The following ZC4H2 variants were observed in gnomAD, a reference collection of about 807,000 sequenced individuals.
ZC4H2 encodes the protein zinc finger C4H2-type containing.
For missense variants in ZC4H2, 137 were observed against 173.9 expected, an observed-to-expected ratio of 0.79 and a Z score of 1.19; for synonymous variants, 84 against 66.3, an observed-to-expected ratio of 1.27 and a Z score of -1.30.
At chrX:65,005,133 TATC>T (rs778392820) in intron 1 of ZC4H2, among the ~76,000 whole-genome samples, 1 of 111,969 alleles carries the variant, frequency 8.9e-6, no homozygotes, top group South Asian at 3.7e-4. Context: ...GAAGAATAAA[TATC>T]ATGAAAATGG....
chrX:64,923,454 C>T (rs148448454), intron 1 of ZC4H2, among the ~76,000 whole-genome samples: 209 of 109,819 alleles, frequency 1.9e-3, no homozygotes, highest in Non-Finnish European at 3.2e-3. Flanking sequence ...AGCTGATCTT[C>T]CCCTCTGCCC....
At chrX:65,010,295 C>G (rs1932737036) in intron 1 of ZC4H2, among the ~76,000 whole-genome samples, 1 of 112,294 alleles carries the variant, frequency 8.9e-6, no homozygotes, top group African/African-American at 3.2e-5. Flanking sequence ...TATTTTCAAT[C>G]TGCACACTCA....
At chrX:64,926,134 C>T (rs12387643) in intron 1 of ZC4H2, among the ~76,000 whole-genome samples, 15,653 of 111,163 alleles carry the variant, frequency 0.14, 2,643 homozygotes, top group African/African-American at 0.48. Context: ...TTTGATGGTG[C>T]CATTAATATC....
intron 1 of ZC4H2, among the ~76,000 whole-genome samples, chrX:64,999,574 G>A (rs1932493742): frequency 8.9e-6 from 1 of 111,960 alleles, no homozygotes; most frequent in Non-Finnish European, 1.9e-5. Flanking sequence ...GTGGCTCCTG[G>A]AATGCCAGCA....
chrX:64,917,801 T>C lies in ZC4H2; in HGVS notation c.657A>G (p.Lys219=), dbSNP rs372080262. 11 of 1,209,337 alleles carry C rather than the reference T, an allele frequency of 9.1e-6. No individual in the cohort carries two copies. The highest frequency in any genetic ancestry group is 1.2e-5 in the Non-Finnish European group (11 of 895,007). The change falls in exon 5 of 5, where the codon AAA becomes AAG. Residue 219 remains lysine (K), a synonymous_variant. Transcript: ENST00000374839. ...KSRSRNPKKP[K]RKQDE Reference sequence around the variant, plus strand: ...CCTTTCTTTATTCATCCTGCTTCCGTTTCGGCTTTTTGGGGTTCCGGGACC... The same window carrying C: ...CCTTTCTTTATTCATCCTGCTTCCGCTTCGGCTTTTTGGGGTTCCGGGACC...
At chrX:64,995,429 G>C (rs1054110453) in intron 1 of ZC4H2, among the ~76,000 whole-genome samples, 2 of 112,250 alleles carry the variant, frequency 1.8e-5, no homozygotes, top group Non-Finnish European at 3.8e-5. Flanking sequence ...TGCAGTCTAT[G>C]CCTCACTGCA....
At chrX:64,930,244 G>A (rs1196124853) in intron 1 of ZC4H2, among the ~76,000 whole-genome samples, 1 of 111,638 alleles carries the variant, frequency 9.0e-6, no homozygotes, top group African/African-American at 3.3e-5. Context: ...TACTGAATTC[G>A]TTTATCAGGC....
intron 2 of ZC4H2, among the ~76,000 whole-genome samples, chrX:64,921,231 C>T (rs1328145015): frequency 1.8e-5 from 2 of 112,073 alleles, no homozygotes; most frequent in East Asian, 5.6e-4. Flanking sequence ...CCTTACTGGT[C>T]AGCACTGCCA....
chrX:65,021,957 C>T (rs1226590172), intron 1 of ZC4H2, among the ~76,000 whole-genome samples: 5 of 111,266 alleles, frequency 4.5e-5, no homozygotes, highest in African/African-American at 1.3e-4. Context: ...ACACATACAC[C>T]CTCCCAAGAC....
At chrX:64,936,709 A>G (rs1930028475) in intron 1 of ZC4H2, among the ~76,000 whole-genome samples, 1 of 111,965 alleles carries the variant, frequency 8.9e-6, no homozygotes, top group African/African-American at 3.2e-5. Context: ...AATCCTTTAC[A>G]GACAAGCAAA....
intron 1 of ZC4H2, among the ~76,000 whole-genome samples, chrX:64,984,988 T>C (rs985950448): frequency 3.6e-5 from 4 of 112,280 alleles, no homozygotes; most frequent in Non-Finnish European, 7.5e-5. Flanking sequence ...GTTTCAATAA[T>C]GGCCTCCAAC....
intron 1 of ZC4H2, among the ~76,000 whole-genome samples, chrX:64,943,719 T>C (rs1010333237): frequency 8.9e-6 from 1 of 111,736 alleles, no homozygotes; most frequent in Non-Finnish European, 1.9e-5. Flanking sequence ...AGCGCATGTG[T>C]ATCTTTGCAC....
intron 1 of ZC4H2, among the ~76,000 whole-genome samples, chrX:65,008,946 T>C (rs1042144045): frequency 9.0e-6 from 1 of 111,425 alleles, no homozygotes; most frequent in East Asian, 2.8e-4. Flanking sequence ...TATATCTCAA[T>C]ATAACTAAAA....
intron 1 of ZC4H2, among the ~76,000 whole-genome samples, chrX:64,923,897 C>T (rs937656233): frequency 1.8e-5 from 2 of 110,795 alleles, no homozygotes; most frequent in African/African-American, 6.6e-5. Context: ...AACAGGGTTA[C>T]CAGGCTGAAG....
At chrX:64,985,116 G>A (rs1286773260) in intron 1 of ZC4H2, among the ~76,000 whole-genome samples, 1 of 112,143 alleles carries the variant, frequency 8.9e-6, no homozygotes, top group African/African-American at 3.2e-5. Context: ...ACTTCGGTTG[G>A]TTCCATGACT....
chrX:64,942,185 G>T (rs955758370), intron 1 of ZC4H2, among the ~76,000 whole-genome samples: 6 of 111,393 alleles, frequency 5.4e-5, no homozygotes, highest in African/African-American at 1.6e-4. Context: ...TTGCATAAAG[G>T]TGTTTTTAGT....
chrX:65,014,862 A>G (rs1932787045), intron 1 of ZC4H2, among the ~76,000 whole-genome samples: 1 of 111,890 alleles, frequency 8.9e-6, no homozygotes, highest in Admixed American at 9.5e-5. Context: ...AGCAAAAATC[A>G]CCTACAATTT....
intron 1 of ZC4H2, among the ~76,000 whole-genome samples, chrX:65,000,417 A>T (rs1214708644): frequency 8.9e-6 from 1 of 111,915 alleles, no homozygotes; most frequent in Non-Finnish European, 1.9e-5. Context: ...TCCTGGCAGA[A>T]ATCCCATCAG....
chrX:64,963,767 G>A (rs73512581), intron 1 of ZC4H2, among the ~76,000 whole-genome samples: 9,226 of 110,836 alleles, frequency 0.083, 1,026 homozygotes, highest in African/African-American at 0.29. Flanking sequence ...CTGCACTCCC[G>A]TGTTTATCAT....
Sources: gnomAD v4.1 joint callset for allele counts (sites outside exome capture counted in the v4.1 genomes callset) on GRCh38, gnomAD v4.1.1 for gene constraint, MANE v1.5 for transcripts, NCBI Gene and HGNC (gene_info 2026-07-23, HGNC 2026-07-21) for gene names.